Variants in IMMP2L observed in about 807,000 individuals in gnomAD.
IMMP2L encodes the protein mitochondrial inner membrane protease subunit 2.
A neutral mutation model predicts 19.3 loss-of-function variants in IMMP2L; 18 were observed. The ratio of observed to expected loss-of-function variants is 0.93; its 90% CI spans 0.64 to 1.38. IMMP2L has a LOEUF of 1.38. Among genes scored for constraint, IMMP2L ranks in the 40% most tolerant of loss-of-function variants. IMMP2L has a pLI of 0.00. For synonymous variants in IMMP2L, 76 were observed against 73.0 expected (o/e 1.04, Z -0.21); for missense variants, 233 against 218.2 (o/e 1.07, Z -0.43).
At chr7:111,142,338 A>AG (rs1562846964) in intron 3 of IMMP2L, among the ~76,000 whole-genome samples, 357 of 12,628 alleles carry the variant, frequency 0.028, 9 homozygotes, top group Middle Eastern at 0.062. Context: ...AAAAAAAAAA[A>AG]AAAAAGAAAG....
intron 5 of IMMP2L, among the ~76,000 whole-genome samples, chr7:110,854,826 T>C (rs537029525): frequency 9.9e-4 from 151 of 152,142 alleles, no homozygotes; most frequent in Non-Finnish European, 1.9e-3. Context: ...TAGACTATAA[T>C]ATTCTGGAAT....
At chr7:111,302,455 C>T (rs1160424128) in intron 3 of IMMP2L, among the ~76,000 whole-genome samples, 1 of 152,010 alleles carries the variant, frequency 6.6e-6, no homozygotes, top group African/African-American at 2.4e-5. Context: ...ACAGCAATAA[C>T]AAAAACACAT....
chr7:111,440,747 CT>C (rs1837631195), intron 3 of IMMP2L, among the ~76,000 whole-genome samples: 2 of 151,832 alleles, frequency 1.3e-5, no homozygotes, highest in African/African-American at 4.9e-5. Flanking sequence ...ATGCACTGAC[CT>C]CTCCTCTGTA....
At chr7:111,092,837 T>C (rs1442535792) in intron 3 of IMMP2L, among the ~76,000 whole-genome samples, 1 of 152,220 alleles carries the variant, frequency 6.6e-6, no homozygotes, top group Non-Finnish European at 1.5e-5. Flanking sequence ...AAACCTAGCA[T>C]TTGTATTTCA....
At chr7:110,950,851 T>C (rs148871153) in intron 4 of IMMP2L, among the ~76,000 whole-genome samples, 5,888 of 124,194 alleles carry the variant, frequency 0.047, 162 homozygotes, top group Middle Eastern at 0.08. Flanking sequence ...CATATATATA[T>C]ATATATATAT....
rs201540705 is a variant in IMMP2L, at chr7:110,948,186, A to G, written c.305+15314T>C. ...GAAGAAAACTAGAGATACTTTTTTTAAAAAATAGAAATCTATCATTAATAT... is the reference window on the plus strand; with the variant it reads ...GAAGAAAACTAGAGATACTTTTTTTGAAAAATAGAAATCTATCATTAATAT... On this transcript the variant is annotated intron_variant, in intron 4 of 5. Transcript: ENST00000405709. Among the ~76,000 whole-genome samples the G allele has an allele frequency of 3.9e-5, 6 of 152,248 alleles. No homozygotes were observed. In the East Asian group the frequency reaches 1.2e-3, roughly 29 times the overall value.
chr7:110,720,752 G>A (rs367868941), intron 5 of IMMP2L, among the ~76,000 whole-genome samples: 5 of 152,046 alleles, frequency 3.3e-5, no homozygotes, highest in Admixed American at 1.3e-4. Context: ...TTCTGAAATC[G>A]TTTAAGTGCA....
chr7:111,547,587 G>T (rs539670208), intron 1 of IMMP2L, among the ~76,000 whole-genome samples: 1 of 147,612 alleles, frequency 6.8e-6, no homozygotes, highest in South Asian at 2.2e-4. Flanking sequence ...ACAGGGCCTT[G>T]TTCTGTCACC....
chr7:111,407,661 C>G (rs1417632285), intron 3 of IMMP2L, among the ~76,000 whole-genome samples: 2 of 151,818 alleles, frequency 1.3e-5, no homozygotes, highest in African/African-American at 2.4e-5. Context: ...TAAGAAATAA[C>G]AGTAAGTGCA....
intron 3 of IMMP2L, among the ~76,000 whole-genome samples, chr7:111,043,403 A>G (rs1259448706): frequency 6.6e-6 from 1 of 152,220 alleles, no homozygotes; most frequent in Non-Finnish European, 1.5e-5. Flanking sequence ...CAACGTTAAC[A>G]TCTCAACAGT....
At chr7:110,937,477 A>C (rs1816249852) in intron 4 of IMMP2L, among the ~76,000 whole-genome samples, 1 of 152,174 alleles carries the variant, frequency 6.6e-6, no homozygotes, top group Non-Finnish European at 1.5e-5. Context: ...CGGGTACTCC[A>C]AGCTTAGGCG....
intron 3 of IMMP2L, among the ~76,000 whole-genome samples, chr7:111,284,956 T>A (rs1044569247): frequency 6.6e-6 from 1 of 152,086 alleles, no homozygotes; most frequent in Non-Finnish European, 1.5e-5. Flanking sequence ...AATTAATATG[T>A]GCCATCAGTG....
chr7:110,905,347 T>C (rs1222100238), intron 4 of IMMP2L, among the ~76,000 whole-genome samples: 1 of 152,148 alleles, frequency 6.6e-6, no homozygotes, highest in Non-Finnish European at 1.5e-5. Flanking sequence ...AAAGTTTAAC[T>C]TTTTACCATC....
chr7:111,454,947 T>G (rs1474568626), intron 3 of IMMP2L, among the ~76,000 whole-genome samples: 1 of 151,916 alleles, frequency 6.6e-6, no homozygotes, highest in Non-Finnish European at 1.5e-5. Context: ...TGATACAAAG[T>G]CTATCAGGAA....
chr7:110,714,498 C>T (rs1192662142), intron 5 of IMMP2L, among the ~76,000 whole-genome samples: 1 of 152,096 alleles, frequency 6.6e-6, no homozygotes, highest in Non-Finnish European at 1.5e-5. Context: ...CCTCAACTTC[C>T]TTTTTTTAAT....
intron 1 of IMMP2L, among the ~76,000 whole-genome samples, chr7:111,560,938 G>T (rs1791973802): frequency 6.6e-6 from 1 of 152,134 alleles, no homozygotes; most frequent in Non-Finnish European, 1.5e-5. Context: ...ATCACAGAGG[G>T]CAATTCTACT....
At chr7:111,147,063 C>A (rs1479643580) in intron 3 of IMMP2L, among the ~76,000 whole-genome samples, 2 of 152,054 alleles carry the variant, frequency 1.3e-5, no homozygotes, top group Non-Finnish European at 2.9e-5. Context: ...AAAGCTATTT[C>A]TTATTATCTG....
intron 5 of IMMP2L, among the ~76,000 whole-genome samples, chr7:110,826,608 G>A (rs1244209434): frequency 1.3e-5 from 2 of 151,978 alleles, no homozygotes; most frequent in Non-Finnish European, 2.9e-5. Context: ...AACACCGCAG[G>A]TTCTCACTCA....
At chr7:111,332,419 A>C (rs959498247) in intron 3 of IMMP2L, among the ~76,000 whole-genome samples, 4 of 152,056 alleles carry the variant, frequency 2.6e-5, no homozygotes, top group African/African-American at 9.7e-5. Flanking sequence ...CAAGCCAAAA[A>C]GCATTAAATG....
Sources: allele counts gnomAD v4.1 joint callset (sites outside exome capture counted in the v4.1 genomes callset), GRCh38; gene constraint gnomAD v4.1.1; transcripts MANE v1.5; gene names NCBI Gene and HGNC (gene_info 2026-07-23, HGNC 2026-07-21).